ESYT2: variants seen among roughly 807,000 people sequenced by gnomAD.
ESYT2 encodes the protein extended synaptotagmin 2.
ESYT2 carries 54 observed loss-of-function variants against 107.2 expected under a neutral mutation model. The ratio of observed to expected loss-of-function variants is 0.50; its 90% CI spans 0.40 to 0.63. The LOEUF (loss-of-function observed/expected upper bound fraction) is 0.63, where lower values mean the gene tolerates loss of function less well. Ranked by LOEUF, ESYT2 falls within the 30% of genes least tolerant of loss-of-function variation. The pLI is 0.00. For missense variants in ESYT2, 1,020 were observed against 1,094.5 expected, an observed-to-expected ratio of 0.93 and a Z score of 0.96; for synonymous variants, 491 against 434.1, an observed-to-expected ratio of 1.13 and a Z score of -1.63.
rs143047782 is a variant in ESYT2 at position 158,737,131 on chromosome 7, C to T, written c.2316G>A (p.Met772Ile). 1.2e-6 allele frequency: 2 copies of T among 1,614,008 alleles called. No homozygotes were observed. The highest frequency in any genetic ancestry group is 1.3e-5 in the African/African-American group (1 of 75,024). The change falls in exon 20 of 23, where the codon ATG (methionine) becomes ATA (isoleucine). Residue 772 changes from methionine to isoleucine, a missense_variant. Physicochemically the swap from Met to Ile is conservative, Grantham distance 10 (BLOSUM62 1). Coordinates refer to ENST00000275418, the MANE Select transcript of ESYT2 (RefSeq NM_001367773.1). ...ACCGCCTCTTGTCTGGTAATAAATA[C>T]ATGCGGACATAGGGGTCAGAGCCGT... ...SEDGSDPYVR[M>I]YLLPDKRRSG...
intron 6 of ESYT2, among the ~76,000 whole-genome samples, chr7:158,781,440 G>C (rs1425514644): frequency 6.6e-6 from 1 of 151,300 alleles, no homozygotes; most frequent in Admixed American, 6.6e-5. Context: ...AAGTGTGAGT[G>C]TGAACAAGTG....
At chr7:158,811,165 TA>T (rs1430096150) in intron 1 of ESYT2, among the ~76,000 whole-genome samples, 3 of 150,300 alleles carry the variant, frequency 2.0e-5, no homozygotes, top group African/African-American at 7.3e-5. Context: ...TCTTAAAAAA[TA>T]AAAAATAAAA....
intron 1 of ESYT2, among the ~76,000 whole-genome samples, chr7:158,824,215 A>C (rs1840371453): frequency 6.6e-6 from 1 of 152,146 alleles, no homozygotes; most frequent in Non-Finnish European, 1.5e-5. Flanking sequence ...GTGAACAAGA[A>C]ACCCAAGCAG....
intron 7 of ESYT2, among the ~76,000 whole-genome samples, chr7:158,770,301 A>G (rs1838312651): frequency 7.5e-6 from 1 of 132,624 alleles, no homozygotes; most frequent in Non-Finnish European, 1.7e-5. Context: ...TATCTATTAA[A>G]TTTTAGTACA....
chr7:158,781,423 G>C (rs941766235), intron 6 of ESYT2, among the ~76,000 whole-genome samples: 1 of 55,550 alleles, frequency 1.8e-5, no homozygotes, highest in African/African-American at 4.0e-5. Context: ...GTGTAAGAAC[G>C]AGTGAGAAGT....
At chr7:158,768,875 C>A (rs1838258189) in intron 7 of ESYT2, among the ~76,000 whole-genome samples, 1 of 152,176 alleles carries the variant, frequency 6.6e-6, no homozygotes, top group African/African-American at 2.4e-5. Context: ...TCTATTTAAA[C>A]AAACAAACAT....
chr7:158,802,838 A>G (rs12667711), intron 1 of ESYT2, among the ~76,000 whole-genome samples: 21,239 of 152,262 alleles, frequency 0.14, 2,450 homozygotes, highest in East Asian at 0.55. Context: ...TAAATGGATA[A>G]AATGATTCTT....
At chr7:158,829,041 A>T in intron 1 of ESYT2, 48 bp downstream of exon 1, 2 of 1,556,548 alleles carry the variant, frequency 1.3e-6, no homozygotes, top group Non-Finnish European at 8.6e-7. Flanking sequence ...ACGAGGGGAG[A>T]TCGGGACTGG....
intron 1 of ESYT2, among the ~76,000 whole-genome samples, chr7:158,817,046 A>G (rs1202427084): frequency 3.9e-5 from 6 of 152,258 alleles, no homozygotes; most frequent in Non-Finnish European, 8.8e-5. Context: ...CCAGCTTTAT[A>G]TAACATTTTA....
At chr7:158,748,115 G>T in intron 16 of ESYT2, 79 bp downstream of exon 16, 1 of 1,325,626 alleles carries the variant, frequency 7.5e-7, no homozygotes, top group East Asian at 2.4e-5. Flanking sequence ...TGTATACACG[G>T]GTCACAACTC....
At chr7:158,751,077 C>CT (rs140546791) in intron 14 of ESYT2, among the ~76,000 whole-genome samples, 13 of 152,064 alleles carry the variant, frequency 8.5e-5, no homozygotes, top group African/African-American at 1.7e-4. Context: ...AAAACATATA[C>CT]TTTTTTTTCC....
At position 158,829,491 on chromosome 7, in the gene ESYT2, C is replaced by G. The variant is rs1214062016; in HGVS notation, c.-73G>C. The G allele has an allele frequency of 8.1e-7, 1 of 1,235,590 alleles. No individual in the cohort carries two copies. Among genetic ancestry groups the G allele is most frequent in the Non-Finnish European group, 1.0e-6 (1 of 989,456 alleles). 76.5% of individuals were successfully genotyped at this position (1,235,590 alleles called of 1,614,324 possible). The stretch of plus-strand genomic sequence containing the variant: ...TCGCGCTGATCCCGGGCGGCTCAGC[C>G]CCGCGCCAGCGCCCCTCTGAGGGGA... On this transcript the variant is annotated 5_prime_UTR_variant, in exon 1 of 23. Transcript: ENST00000275418.
chr7:158,808,941 A>G (rs988723816), intron 1 of ESYT2, among the ~76,000 whole-genome samples: 6 of 151,988 alleles, frequency 3.9e-5, no homozygotes, highest in Non-Finnish European at 7.4e-5. Context: ...GCGCCATTAC[A>G]CTCCAGCCTG....
intron 1 of ESYT2, among the ~76,000 whole-genome samples, chr7:158,805,487 T>C (rs576004017): frequency 6.6e-6 from 1 of 152,334 alleles, no homozygotes; most frequent in East Asian, 1.9e-4. Flanking sequence ...CTACCTCCAA[T>C]AGTAAAAGGA....
chr7:158,731,277 G>A lies in ESYT2; in HGVS notation c.*2930C>T, dbSNP rs557386842. The A allele has an allele frequency of 2.0e-5, 3 of 152,322 alleles. No individual in the cohort carries two copies. The East Asian group carries it at 5.8e-4, about 29-fold the overall frequency. 9.4% of individuals were successfully genotyped at this position (152,322 alleles called of 1,614,324 possible). A position where few individuals can be genotyped will look rare whatever the true frequency, so the allele number is the denominator to read the frequency against. Reference sequence around the variant, plus strand: ...CTTACCGTGCAGAATATATTATCATGGTAAATACAGTTACAAGGCTGCTTC... The same window carrying A: ...CTTACCGTGCAGAATATATTATCATAGTAAATACAGTTACAAGGCTGCTTC... On this transcript the variant is annotated 3_prime_UTR_variant, in exon 23 of 23. Coordinates refer to ENST00000275418, the MANE Select transcript of ESYT2 (RefSeq NM_001367773.1).
At position 158,809,524 on chromosome 7, in the gene ESYT2, A is replaced by G. The variant is rs376690051; in HGVS notation, c.331-10452T>C. On this transcript the variant is annotated intron_variant, in intron 1 of 22. Transcript: ENST00000275418. Reference sequence around the variant, plus strand: ...CAGGGGGGATGAGGGGGGCAAAAGTATTTGTATAAACGCTTCTCCAAAGAG... The same window carrying G: ...CAGGGGGGATGAGGGGGGCAAAAGTGTTTGTATAAACGCTTCTCCAAAGAG... Among the ~76,000 whole-genome samples, 22 of 150,304 alleles carry G rather than the reference A, an allele frequency of 1.5e-4. No homozygotes were observed. In the East Asian group the frequency reaches 2.7e-3, roughly 19 times the overall value.
chr7:158,808,322 G>A (rs1012006270), intron 1 of ESYT2, among the ~76,000 whole-genome samples: 3 of 152,228 alleles, frequency 2.0e-5, no homozygotes, highest in Non-Finnish European at 2.9e-5. Flanking sequence ...CGTCCGGCAC[G>A]TTCGCGCCGA....
At chr7:158,753,601 T>A (rs1245683181) in intron 13 of ESYT2, among the ~76,000 whole-genome samples, 1 of 137,044 alleles carries the variant, frequency 7.3e-6, no homozygotes, top group Non-Finnish European at 1.5e-5. Context: ...AATGTTTAAT[T>A]TTTTTTTTTT....
intron 1 of ESYT2, among the ~76,000 whole-genome samples, chr7:158,818,637 C>T (rs1323157009): frequency 6.6e-6 from 1 of 152,248 alleles, no homozygotes; most frequent in Non-Finnish European, 1.5e-5. Flanking sequence ...CGAGGACATG[C>T]CTCCCTGCCC....
Sources: allele counts gnomAD v4.1 joint callset (sites outside exome capture counted in the v4.1 genomes callset), GRCh38; gene constraint gnomAD v4.1.1; transcripts MANE v1.5; gene names NCBI Gene and HGNC (gene_info 2026-07-23, HGNC 2026-07-21).